CTNND1: variants seen among roughly 807,000 people sequenced by gnomAD.
CTNND1 encodes catenin delta 1, also known as catenin delta-1.
A neutral mutation model predicts 112.1 loss-of-function variants in CTNND1; 16 were observed. That is an observed-to-expected ratio of 0.14 (90% CI 0.10 to 0.22). CTNND1 has a LOEUF of 0.22. CTNND1 is among the 10% of genes least tolerant of loss of function. CTNND1 has a pLI of 1.00. For synonymous variants in CTNND1, 420 were observed against 446.5 expected (o/e 0.94, Z 0.75); for missense variants, 1,008 against 1,257.0 (o/e 0.80, Z 3.00).
chr11:57,806,074 A>T (rs2062627418), intron 10 of CTNND1, 39 bp downstream of exon 10: 1 of 1,585,038 alleles, frequency 6.3e-7, no homozygotes, highest in African/African-American at 1.3e-5. Flanking sequence ...TTAATGTGGG[A>T]TAGGGAAAGG....
chr11:57,795,995 A>G (rs907524386), intron 5 of CTNND1, among the ~76,000 whole-genome samples: 1 of 152,072 alleles, frequency 6.6e-6, no homozygotes, highest in Non-Finnish European at 1.5e-5. Flanking sequence ...GGGACTTCCT[A>G]TAGGATGGAA....
chr11:57,815,731 T>C (rs2063896197), intron 19 of CTNND1, 184 bp from the exon 20 acceptor site: 2 of 773,478 alleles, frequency 2.6e-6, no homozygotes, highest in Admixed American at 1.8e-5. Context: ...TGACTAACAC[T>C]AACTGATCTA....
chr11:57,773,943 C>G (rs1953497790), intron 1 of CTNND1, among the ~76,000 whole-genome samples: 1 of 151,970 alleles, frequency 6.6e-6, no homozygotes, highest in South Asian at 2.1e-4. Flanking sequence ...TCTCAAAAAA[C>G]AAAACAATTT....
intron 1 of CTNND1, among the ~76,000 whole-genome samples, chr11:57,772,014 C>G (rs1952770746): frequency 6.6e-6 from 1 of 151,794 alleles, no homozygotes; most frequent in South Asian, 2.1e-4. Context: ...CTCCGCCTCC[C>G]ACGCTCAAGC....
At chr11:57,777,567 G>A (rs938465815) in intron 1 of CTNND1, among the ~76,000 whole-genome samples, 2 of 152,210 alleles carry the variant, frequency 1.3e-5, no homozygotes, top group African/African-American at 4.8e-5. Flanking sequence ...ACTGTGCCAG[G>A]CCAAGGACTA....
chr11:57,785,548 T>TTGTG (rs974532944), intron 1 of CTNND1, among the ~76,000 whole-genome samples: 1 of 151,458 alleles, frequency 6.6e-6, no homozygotes, highest in African/African-American at 2.4e-5. Flanking sequence ...GGTGATTTTT[T>TTGTG]TGTGTGTGTG....
At chr11:57,802,266 T>C in intron 7 of CTNND1, 70 bp downstream of exon 7, 1 of 1,309,046 alleles carries the variant, frequency 7.6e-7, no homozygotes, top group Non-Finnish European at 1.1e-6. Flanking sequence ...ACTAGAGGGA[T>C]TTCCAGACCT....
chr11:57,814,340 A>T lies in CTNND1; in HGVS notation c.2668A>T (p.Met890Leu), dbSNP rs763671572. The T allele has an allele frequency of 6.2e-7, 1 of 1,612,080 alleles. No homozygotes were observed. The highest frequency in any genetic ancestry group is 8.5e-7 in the Non-Finnish European group (1 of 1,179,066). The change falls in exon 18 of 21, where the codon ATG (methionine) becomes TTG (leucine). Residue 890 changes from methionine to leucine, a missense_variant. This residue lies in a region of CTNND1 where 106 missense variants were observed against 116.2 expected (regional missense o/e 0.91). Transcript: ENST00000399050. ...GAAACCTGATCGGGAAGAAATTCAG[A>T]TGAGCAATATGGGATCAAACACAAA... ...DKKPDREEIQ[M>L]SNMGSNTKSL...
At chr11:57,798,344 C>CAAA (rs71061542) in intron 6 of CTNND1, among the ~76,000 whole-genome samples, 1 of 105,750 alleles carries the variant, frequency 9.5e-6, no homozygotes, top group Non-Finnish European at 2.0e-5. Context: ...GAGACTGTCT[C>CAAA]AAAAAAAAAA....
chr11:57,786,605 C>T (rs1037776665), intron 1 of CTNND1, among the ~76,000 whole-genome samples: 1 of 152,130 alleles, frequency 6.6e-6, no homozygotes, highest in Admixed American at 6.6e-5. Flanking sequence ...AATTACGACT[C>T]CTGACTGTCT....
Position 57,806,917 on chromosome 11 carries a change from A to G in CTNND1, c.1897A>G (p.Lys633Glu), listed in dbSNP as rs1206415367. The change falls in exon 12 of 21, where the codon AAA becomes GAA. Residue 633 changes from lysine (K) to glutamate (E), a missense_variant and splice_region_variant. Coordinates refer to ENST00000399050, the MANE Select transcript of CTNND1 (RefSeq NM_001085458.2). ...KGKDEWFSRGKKPIEDPANDT... is the reference protein window; with the variant it reads ...KGKDEWFSRGEKPIEDPANDT... ...CCCGCCCTTTTTCATTTTTGTAGGG[A>G]AAAAACCTATAGAGGATCCAGCAAA... 6.3e-7 allele frequency: 1 copy of G among 1,594,546 alleles called. No individual in the cohort carries two copies. The highest frequency in any genetic ancestry group is 1.3e-5 in the African/African-American group (1 of 74,594).
intron 2 of CTNND1, among the ~76,000 whole-genome samples, chr11:57,790,621 G>C (rs1034911144): frequency 6.9e-6 from 1 of 145,466 alleles, no homozygotes; most frequent in Non-Finnish European, 1.5e-5. Context: ...GCAATAGTGC[G>C]ATCTTGGCTC....
At position 57,796,716 on chromosome 11, in the gene CTNND1, A is replaced by G; in HGVS notation, c.680A>G (p.Asn227Ser). 6.2e-7 allele frequency: 1 copy of G among 1,614,018 alleles called. No homozygotes were observed. Residue 227 changes from asparagine (N) to serine (S), a missense_variant, in exon 6 of 21, where the codon AAC becomes AGC. This residue lies in a region of CTNND1 where 404 missense variants were observed against 457.9 expected (regional missense o/e 0.88). Coordinates refer to ENST00000399050, the MANE Select transcript of CTNND1 (RefSeq NM_001085458.2). Reference protein sequence around the residue: ...YEDGYPGGSDNYGSLSRVTRI... With the variant: ...YEDGYPGGSDSYGSLSRVTRI... ...GATGGTTATCCAGGTGGCAGTGATA[A>G]CTATGGCAGTCTGTCCCGGGTGACC...
intron 6 of CTNND1, among the ~76,000 whole-genome samples, chr11:57,799,141 C>T (rs528478208): frequency 2.0e-5 from 3 of 152,360 alleles, no homozygotes; most frequent in African/African-American, 7.2e-5. Context: ...CTGAGTCACT[C>T]ACCTTTCAGG....
At position 57,817,642 on chromosome 11, in the gene CTNND1, C is replaced by T. The variant is rs1373532336; in HGVS notation, c.*1334C>T. 6.6e-6 allele frequency: 1 copy of T among 152,506 alleles called. No homozygotes were observed. Among genetic ancestry groups the T allele is most frequent in the Non-Finnish European group, 1.5e-5 (1 of 68,024 alleles). 9.4% of individuals were successfully genotyped at this position (152,506 alleles called of 1,614,324 possible). A position where few individuals can be genotyped will look rare whatever the true frequency, so the allele number is the denominator to read the frequency against. On this transcript the variant is annotated 3_prime_UTR_variant, in exon 21 of 21. Transcript: ENST00000399050. ...TTGCAAAAATCCTATTCTGATGAAT[C>T]TCAAAGTAAGGCTGGTAAGAGAAGT...
At chr11:57,790,419 T>C (rs561837201) in intron 2 of CTNND1, among the ~76,000 whole-genome samples, 2 of 151,056 alleles carry the variant, frequency 1.3e-5, no homozygotes, top group South Asian at 4.2e-4. Flanking sequence ...AGTCTTGCAT[T>C]GTCGCCCCAG....
In CTNND1 at chr11:57,807,001, T is replaced by G. The variant is rs1443360969; in HGVS notation, c.1963+18T>G. 6.4e-7 allele frequency: 1 copy of G among 1,557,894 alleles called. No individual in the cohort carries two copies. The highest frequency in any genetic ancestry group is 8.8e-7 in the Non-Finnish European group (1 of 1,140,780). The stretch of plus-strand genomic sequence containing the variant: ...AGCTCGAGGTAAGTTATCTTCTCAG[T>G]CTCCAAAGGTCTCATAAACATAGTA... On this transcript the variant is annotated intron_variant, in intron 12 of 20. Transcript: ENST00000399050.
chr11:57,806,566 C>T, intron 11 of CTNND1, 88 bp downstream of exon 11: 1 of 1,219,086 alleles, frequency 8.2e-7, no homozygotes, highest in Non-Finnish European at 1.2e-6. Flanking sequence ...CTAACCTTTC[C>T]CTGTCTATGC....
intron 1 of CTNND1, among the ~76,000 whole-genome samples, chr11:57,763,419 A>G (rs1264623755): frequency 6.6e-6 from 1 of 152,042 alleles, no homozygotes; most frequent in African/African-American, 2.4e-5. Context: ...CCCTGCCACA[A>G]ATTTTTTTAA....
Sources: allele counts gnomAD v4.1 joint callset (sites outside exome capture counted in the v4.1 genomes callset), GRCh38; gene constraint gnomAD v4.1.1; regional missense constraint gnomAD v4.1.1; transcripts MANE v1.5; gene names NCBI Gene and HGNC (gene_info 2026-07-23, HGNC 2026-07-21).